VAV2: variants seen among roughly 807,000 people sequenced by gnomAD.
The protein encoded by VAV2 is vav guanine nucleotide exchange factor 2, also known as guanine nucleotide exchange factor VAV2.
In VAV2, 67 loss-of-function variants were observed where a neutral mutation model predicts 132.5. The observed-to-expected ratio is 0.51, with a 90% CI of 0.42 to 0.62. The LOEUF (loss-of-function observed/expected upper bound fraction) is 0.62, where lower values mean the gene tolerates loss of function less well. Among genes scored for constraint, VAV2 ranks in the 20% least tolerant of loss-of-function variants. The pLI is 0.00. For synonymous variants in VAV2, 492 were observed against 443.5 expected (o/e 1.11, Z -1.37); for missense variants, 938 against 1,153.6 (o/e 0.81, Z 2.71).
chr9:133,991,130 G>A lies in VAV2; in HGVS notation c.204+945C>T, dbSNP rs1236876703. 6.6e-6 allele frequency among the ~76,000 whole-genome samples: 1 copy of A among 152,110 alleles called. No individual in the cohort carries two copies. Among genetic ancestry groups the A allele is most frequent in the African/African-American group, 2.4e-5 (1 of 41,408 alleles). ...ACTGCGCGCGGTGAGGGGCTGCTGA[G>A]CTGGCTGGAAGACCGCACCTCCTCG... is the stretch of plus-strand genomic sequence containing the variant. On this transcript the variant is annotated intron_variant, in intron 1 of 29. Coordinates refer to ENST00000371850, the MANE Select transcript of VAV2 (RefSeq NM_001134398.2). The surrounding 1 kb of genome is among the most constrained non-coding windows in gnomAD (Gnocchi z 4.8).
rs1342097217 is a variant in VAV2 at position 133,901,834 on chromosome 9, A to G, written c.321+37269T>C. Among the ~76,000 whole-genome samples the G allele has an allele frequency of 3.3e-5, 5 of 152,320 alleles. No individual in the cohort carries two copies. The East Asian group carries it at 9.6e-4, about 29-fold the overall frequency. On this transcript the variant is annotated intron_variant, in intron 2 of 29. Coordinates refer to ENST00000371850, the MANE Select transcript of VAV2 (RefSeq NM_001134398.2). ...CTGCCACATTCTACCTTTTCCCAGGAGACGGGCCGATGGGGTCAGTGGCAA... is the reference window on the plus strand; with the variant it reads ...CTGCCACATTCTACCTTTTCCCAGGGGACGGGCCGATGGGGTCAGTGGCAA...
chr9:133,975,071 G>A (rs1226175989), intron 1 of VAV2, among the ~76,000 whole-genome samples: 3 of 152,150 alleles, frequency 2.0e-5, no homozygotes, highest in Non-Finnish European at 4.4e-5. Flanking sequence ...TCCTGCTGAC[G>A]CCAACCAAGG....
intron 2 of VAV2, among the ~76,000 whole-genome samples, chr9:133,893,830 C>T (rs1380615524): frequency 1.3e-5 from 2 of 152,096 alleles, no homozygotes; most frequent in Non-Finnish European, 2.9e-5. Flanking sequence ...TGAAACCCAC[C>T]GCACCTGACC....
At chr9:133,779,998 A>G (rs373368926) in intron 20 of VAV2, 59 bp from the exon 21 acceptor site, 3 of 1,606,444 alleles carry the variant, frequency 1.9e-6, no homozygotes, top group Middle Eastern at 1.7e-4. Flanking sequence ...ACTGTGGCCC[A>G]TGCATCAACG....
chr9:133,827,706 C>T (rs113801074), intron 4 of VAV2, among the ~76,000 whole-genome samples: 366 of 25,338 alleles, frequency 0.014, 14 homozygotes, highest in Non-Finnish European at 0.026. Context: ...GCTACCGCTG[C>T]GCCCACTGGG....
At chr9:133,939,860 G>A (rs112968382) in intron 1 of VAV2, among the ~76,000 whole-genome samples, 2 of 152,366 alleles carry the variant, frequency 1.3e-5, no homozygotes, top group African/African-American at 4.8e-5. Context: ...CAGTGGAAGG[G>A]TGGAGGGAGC....
Position 133,884,152 on chromosome 9 carries a change from C to CA in VAV2, c.322-22721dup, listed in dbSNP as rs111848628. ...GGCAACAGCCAGACTCAGTCTCAACCAAAAAAAAAAAATGATTCTAGCAAC... is the reference window on the plus strand; with the variant it reads ...GGCAACAGCCAGACTCAGTCTCAACCAAAAAAAAAAAAATGATTCTAGCAAC... On this transcript the variant is annotated intron_variant, in intron 2 of 29. Coordinates refer to ENST00000371850, the MANE Select transcript of VAV2 (RefSeq NM_001134398.2). This position sits in a 1 kb window ranked among gnomAD's most constrained non-coding sequence, Gnocchi z 5.3. 3.6e-3 allele frequency among the ~76,000 whole-genome samples: 487 copies of CA among 134,572 alleles called. 5 individuals carry two copies. The highest frequency in any genetic ancestry group is 0.01 in the African/African-American group (379 of 36,478). The allele number at this position is 134,572 out of a possible 152,430, so 88.3% of individuals were successfully genotyped here. A position where few individuals can be genotyped will look rare whatever the true frequency, so the allele number is the denominator to read the frequency against.
At chr9:133,909,314 G>A (rs1839793135) in intron 2 of VAV2, among the ~76,000 whole-genome samples, 1 of 152,202 alleles carries the variant, frequency 6.6e-6, no homozygotes, top group Admixed American at 6.5e-5. Flanking sequence ...CACTCACAGA[G>A]CTGAGTTTGA....
At chr9:133,821,192 G>C (rs1249451559) in intron 4 of VAV2, among the ~76,000 whole-genome samples, 1 of 152,184 alleles carries the variant, frequency 6.6e-6, no homozygotes, top group African/African-American at 2.4e-5. Context: ...GCGTGTGGAG[G>C]CTCCGTGTCA....
intron 2 of VAV2, among the ~76,000 whole-genome samples, chr9:133,907,897 G>A (rs568941650): frequency 4.8e-5 from 7 of 146,232 alleles, no homozygotes; most frequent in African/African-American, 1.8e-4. Flanking sequence ...AGAGTGGAGG[G>A]AGGGCCTGGG....
rs1433225028 is a variant in VAV2 at position 133,969,952 on chromosome 9, G to T, written c.204+22123C>A. ...GGTTCCCTGGCACACCCAGGATGAA[G>T]CCGGCCCTGCCTCCCTGCAGCCTTC... On this transcript the variant is annotated intron_variant, in intron 1 of 29. Transcript: ENST00000371850. The surrounding 1 kb of genome is among the most constrained non-coding windows in gnomAD (Gnocchi z 5.1). Among the ~76,000 whole-genome samples the T allele has an allele frequency of 6.6e-6, 1 of 152,076 alleles. No homozygotes were observed. Among genetic ancestry groups the T allele is most frequent in the African/African-American group, 2.4e-5 (1 of 41,416 alleles).
At chr9:133,889,800 T>G (rs542914021) in intron 2 of VAV2, among the ~76,000 whole-genome samples, 1 of 152,258 alleles carries the variant, frequency 6.6e-6, no homozygotes, top group Admixed American at 6.5e-5. Context: ...TTAAACCTAA[T>G]CAGGCTTCCC....
chr9:133,769,382 G>A lies in VAV2; in HGVS notation c.2434+35C>T. On this transcript the variant is annotated intron_variant, in intron 28 of 29. Transcript: ENST00000371850. This position sits in a 1 kb window ranked among gnomAD's most constrained non-coding sequence, Gnocchi z 8.1. The stretch of plus-strand genomic sequence containing the variant: ...GGGTCTCCCAAGGCAGCTGCCACAG[G>A]CCCGGTCCCCCCACGCCCTGGGGAG... 1.3e-6 allele frequency: 2 copies of A among 1,584,226 alleles called. No homozygotes were observed. The highest frequency in any genetic ancestry group is 1.7e-6 in the Non-Finnish European group (2 of 1,165,180).
Position 133,949,969 on chromosome 9 carries a change from C to T in VAV2, c.205-10750G>A, listed in dbSNP as rs566019236. Among the ~76,000 whole-genome samples the T allele has an allele frequency of 5.3e-5, 8 of 152,220 alleles. No homozygotes were observed. In the East Asian group the frequency reaches 5.8e-4, roughly 11 times the overall value. On this transcript the variant is annotated intron_variant, in intron 1 of 29. Transcript: ENST00000371850. ...AACGAGCTCTGCTGCAAACTTCAAG[C>T]GCCCAGCCGGTGAGAACCAGCAAGG...
rs1840215785 is a variant in VAV2 at position 133,919,425 on chromosome 9, T to G, written c.321+19678A>C. On this transcript the variant is annotated intron_variant, in intron 2 of 29. Coordinates refer to ENST00000371850, the MANE Select transcript of VAV2 (RefSeq NM_001134398.2). This position sits in a 1 kb window ranked among gnomAD's most constrained non-coding sequence, Gnocchi z 5.8. ...AATCTCTGCTTCACTGGGTGGGGCC[T>G]CCTCACTGGACAGCCCTGGGTGAGG... Among the ~76,000 whole-genome samples the G allele has an allele frequency of 6.6e-6, 1 of 152,112 alleles. No homozygotes were observed. Among genetic ancestry groups the G allele is most frequent in the African/African-American group, 2.4e-5 (1 of 41,428 alleles).
Position 133,920,363 on chromosome 9 carries a change from C to T in VAV2, c.321+18740G>A, listed in dbSNP as rs768337146. Among the ~76,000 whole-genome samples the T allele has an allele frequency of 1.2e-3, 180 of 152,360 alleles. 1 individual carries two copies. Among genetic ancestry groups the T allele is most frequent in the Non-Finnish European group, 1.0e-3 (71 of 68,016 alleles). On this transcript the variant is annotated intron_variant, in intron 2 of 29. Coordinates refer to ENST00000371850, the MANE Select transcript of VAV2 (RefSeq NM_001134398.2). ...GGGCGCTTTTCGCCAGCCATGTGAG[C>T]ACCTGTGCCTCTCCCTGCAGGCTGG...
intron 2 of VAV2, among the ~76,000 whole-genome samples, chr9:133,936,523 G>A (rs1382784647): frequency 1.3e-5 from 2 of 152,146 alleles, no homozygotes; most frequent in African/African-American, 2.4e-5. Flanking sequence ...GGTTACAGGC[G>A]TGAGCCACCA....
intron 2 of VAV2, chr9:133,925,918 TC>T (rs767390972): frequency 4.2e-5 from 6 of 144,162 alleles, no homozygotes; most frequent in Admixed American, 2.2e-4. Flanking sequence ...ATTGTCAGGC[TC>T]CAACAGACAC....
At chr9:133,924,556 G>A (rs10993868) in intron 2 of VAV2, among the ~76,000 whole-genome samples, 3,007 of 152,164 alleles carry the variant, frequency 0.02, 93 homozygotes, top group African/African-American at 0.054. Flanking sequence ...CCTCATCCAC[G>A]GCTCCAATCT....
Sources: gnomAD v4.1 joint callset for allele counts (sites outside exome capture counted in the v4.1 genomes callset) on GRCh38, gnomAD v4.1.1 for gene constraint, Gnocchi (gnomAD v3.1) non-coding constraint, MANE v1.5 for transcripts, NCBI Gene and HGNC (gene_info 2026-07-23, HGNC 2026-07-21) for gene names.